PTPRE: variants seen among roughly 807,000 people sequenced by gnomAD.
PTPRE encodes receptor-type tyrosine-protein phosphatase epsilon.
Under a neutral mutation model 102.0 loss-of-function variants are expected in PTPRE, and 51 were observed. That is an observed-to-expected ratio of 0.50 (90% confidence interval 0.40 to 0.63). The LOEUF (loss-of-function observed/expected upper bound fraction) is 0.63, where lower values mean the gene tolerates loss of function less well. Ranked by LOEUF, PTPRE falls within the 30% of genes least tolerant of loss-of-function variation. The pLI is 0.00. For missense variants in PTPRE, 752 were observed against 915.1 expected, an observed-to-expected ratio of 0.82 and a Z score of 2.30; for synonymous variants, 345 against 348.2, an observed-to-expected ratio of 0.99 and a Z score of 0.10.
chr10:127,986,952 T>A (rs1852141066), intron 2 of PTPRE, among the ~76,000 whole-genome samples: 1 of 152,218 alleles, frequency 6.6e-6, no homozygotes. Context: ...TGGGGTTTTT[T>A]ATGAGCACCA....
intron 2 of PTPRE, among the ~76,000 whole-genome samples, chr10:128,013,769 T>A (rs1318104761): frequency 6.6e-6 from 1 of 152,162 alleles, no homozygotes; most frequent in African/African-American, 2.4e-5. Context: ...GCTGGCACCT[T>A]CATCCTGGAC....
chr10:127,987,429 CTT>C lies in PTPRE; in HGVS notation c.-8+5135_-8+5136del, dbSNP rs1356049401. 1.1e-5 allele frequency: 12 copies of C among 1,069,030 alleles called. No individual in the cohort carries two copies. The Admixed American group carries it at 1.6e-4, about 14-fold the overall frequency. 66.2% of individuals were successfully genotyped at this position (1,069,030 alleles called of 1,614,324 possible). ...GAGCTCAGAGGGGTCTTTCTTGTCT[CTT>C]TGGTTTTGTGTCATGGTTGCTTCTA... On this transcript the variant is annotated intron_variant, in intron 2 of 20. Transcript: ENST00000254667.
intron 17 of PTPRE, among the ~76,000 whole-genome samples, chr10:128,075,385 T>A (rs1282834743): frequency 6.6e-6 from 1 of 152,216 alleles, no homozygotes; most frequent in Non-Finnish European, 1.5e-5. Flanking sequence ...CAACCCATCA[T>A]CTAGGTTTTA....
intron 17 of PTPRE, among the ~76,000 whole-genome samples, chr10:128,074,755 T>A (rs1851085040): frequency 6.6e-6 from 1 of 151,884 alleles, no homozygotes; most frequent in Non-Finnish European, 1.5e-5. Context: ...CGCCTAGGAG[T>A]GTATATACTA....
intron 16 of PTPRE, among the ~76,000 whole-genome samples, chr10:128,073,099 C>T (rs780767802): frequency 6.6e-6 from 1 of 152,198 alleles, no homozygotes; most frequent in Non-Finnish European, 1.5e-5. Flanking sequence ...GTTCATAATA[C>T]CCATTTGTTG....
intron 1 of PTPRE, among the ~76,000 whole-genome samples, chr10:127,914,792 AG>A (rs1481441772): frequency 6.6e-6 from 1 of 152,192 alleles, no homozygotes; most frequent in Non-Finnish European, 1.5e-5. Flanking sequence ...TCAACCGAGG[AG>A]ACCTGGAAGT....
intron 2 of PTPRE, among the ~76,000 whole-genome samples, chr10:128,030,382 G>C (rs1846643625): frequency 6.6e-6 from 1 of 151,694 alleles, no homozygotes; most frequent in South Asian, 2.1e-4. Flanking sequence ...CCCTCCTCTG[G>C]GGGTAGAGGG....
intron 3 of PTPRE, among the ~76,000 whole-genome samples, chr10:128,042,350 C>G (rs1377263675): frequency 6.6e-6 from 1 of 152,188 alleles, no homozygotes; most frequent in African/African-American, 2.4e-5. Context: ...GACGTCCACT[C>G]CACATCTGAG....
At chr10:128,079,232 T>C (rs1851487201) in intron 19 of PTPRE, among the ~76,000 whole-genome samples, 1 of 152,096 alleles carries the variant, frequency 6.6e-6, no homozygotes, top group Non-Finnish European at 1.5e-5. Flanking sequence ...GTGCTGCTGG[T>C]CCAGGGACCA....
chr10:128,022,660 A>G lies in PTPRE; in HGVS notation c.-7-18215A>G, dbSNP rs550246221. ...AGAGGGCCCTGACTCACAGGAGCTC[A>G]TGTTCAAGTTCAGAGAGAAAAGCAG... On this transcript the variant is annotated intron_variant, in intron 2 of 20. Coordinates refer to ENST00000254667, the MANE Select transcript of PTPRE (RefSeq NM_006504.6). Among the ~76,000 whole-genome samples, 4 of 152,294 alleles carry G rather than the reference A, an allele frequency of 2.6e-5. No homozygotes were observed. The East Asian group carries it at 7.7e-4, about 29-fold the overall frequency.
chr10:128,080,561 C>G (rs561679439), intron 20 of PTPRE, among the ~76,000 whole-genome samples: 2 of 152,346 alleles, frequency 1.3e-5, no homozygotes, highest in Admixed American at 6.5e-5. Context: ...TTCCCCTAGT[C>G]TTTTTAGGGA....
intron 1 of PTPRE, among the ~76,000 whole-genome samples, chr10:127,966,748 G>A (rs1182235774): frequency 6.6e-6 from 1 of 152,148 alleles, no homozygotes; most frequent in Non-Finnish European, 1.5e-5. Flanking sequence ...GGCAAGAGGT[G>A]CAGCTGAGGC....
chr10:128,070,683 T>C lies in PTPRE; in HGVS notation c.1294-125T>C. ...TTGTATTTCCCAATGCTAAGGAGGC[T>C]TCCTGGGTTGGAGAGTGGTTTCCTT... On this transcript the variant is annotated intron_variant, in intron 14 of 20. Transcript: ENST00000254667. This position sits in a 1 kb window ranked among gnomAD's most constrained non-coding sequence, Gnocchi z 4.8. The C allele has an allele frequency of 8.2e-7, 1 of 1,215,210 alleles. No homozygotes were observed. The highest frequency in any genetic ancestry group is 1.2e-6 in the Non-Finnish European group (1 of 866,980). 75.3% of individuals were successfully genotyped at this position (1,215,210 alleles called of 1,614,324 possible).
At chr10:127,940,378 A>C (rs572395903) in intron 1 of PTPRE, among the ~76,000 whole-genome samples, 1 of 152,116 alleles carries the variant, frequency 6.6e-6, no homozygotes, top group Non-Finnish European at 1.5e-5. Context: ...CTCACATCCC[A>C]CCATCCCTGA....
intron 2 of PTPRE, among the ~76,000 whole-genome samples, chr10:128,010,545 C>CCTTTT (rs59253362): frequency 0.29 from 36,537 of 128,066 alleles, 5,805 homozygotes; most frequent in East Asian, 0.39. Context: ...AAACCCTGTT[C>CCTTTT]CTTTTCTTTT....
intron 2 of PTPRE, among the ~76,000 whole-genome samples, chr10:127,994,324 C>T (rs1284367221): frequency 6.6e-6 from 1 of 152,200 alleles, no homozygotes; most frequent in Non-Finnish European, 1.5e-5. Flanking sequence ...TCCCTGCCCA[C>T]TCTATCTGAT....
At chr10:127,999,858 G>T in intron 2 of PTPRE, 1 of 985,408 alleles carries the variant, frequency 1.0e-6, no homozygotes, top group Non-Finnish European at 1.2e-6. Flanking sequence ...CGCATCAGTA[G>T]CCTGCTTGGA....
In PTPRE at chr10:127,907,135, G is replaced by A. The variant is rs991461680; in HGVS notation, c.-205G>A. The A allele has an allele frequency of 2.5e-6, 1 of 393,600 alleles. No homozygotes were observed. Among genetic ancestry groups the A allele is most frequent in the African/African-American group, 2.2e-5 (1 of 45,892 alleles). 24.4% of individuals were successfully genotyped at this position (393,600 alleles called of 1,614,324 possible). A position where few individuals can be genotyped will look rare whatever the true frequency, so the allele number is the denominator to read the frequency against. ...TTTCCTGCTAGGCTGCGGACAGCGG[G>A]CGGCAGGAGCCGGCGCGAGCGGCTT... On this transcript the variant is annotated 5_prime_UTR_variant, in exon 1 of 21. Transcript: ENST00000254667. This position sits in a 1 kb window ranked among gnomAD's most constrained non-coding sequence, Gnocchi z 4.8.
chr10:128,021,912 G>A (rs892738612), intron 2 of PTPRE, among the ~76,000 whole-genome samples: 1 of 152,208 alleles, frequency 6.6e-6, no homozygotes, highest in Non-Finnish European at 1.5e-5. Context: ...TCCTGTTCGA[G>A]GCTTTGATTT....
Sources: gnomAD v4.1 joint callset for allele counts (sites outside exome capture counted in the v4.1 genomes callset) on GRCh38, gnomAD v4.1.1 for gene constraint, Gnocchi (gnomAD v3.1) non-coding constraint, MANE v1.5 for transcripts, NCBI Gene and HGNC (gene_info 2026-07-23, HGNC 2026-07-21) for gene names.